Variants in NDUFAF2 observed in about 807,000 individuals in gnomAD.
The protein encoded by NDUFAF2 is NADH:ubiquinone oxidoreductase complex assembly factor 2, also known as NADH dehydrogenase [ubiquinone] 1 alpha subcomplex assembly factor 2.
NDUFAF2 carries 13 observed loss-of-function variants against 22.8 expected under a neutral mutation model. The ratio of observed to expected loss-of-function variants is 0.57; its 90% CI spans 0.37 to 0.91. The LOEUF is 0.91. Among genes scored for constraint, NDUFAF2 ranks in the 40% least tolerant of loss-of-function variants. NDUFAF2 has a pLI of 0.01. For synonymous variants in NDUFAF2, 53 were observed against 64.2 expected (o/e 0.83, Z 0.84); for missense variants, 162 against 195.2 (o/e 0.83, Z 1.01).
intron 1 of NDUFAF2, among the ~76,000 whole-genome samples, chr5:60,969,573 T>TA (rs1401883704): frequency 2.0e-5 from 3 of 152,076 alleles, no homozygotes; most frequent in Non-Finnish European, 4.4e-5. Context: ...GGTTTTTTTT[T>TA]ACCATAGAGT....
intron 1 of NDUFAF2, among the ~76,000 whole-genome samples, chr5:60,990,953 T>C (rs1458063908): frequency 6.6e-6 from 1 of 152,132 alleles, no homozygotes. Flanking sequence ...AGCCCAAAGC[T>C]CCTACGAACT....
chr5:61,006,570 A>G (rs1036364166), intron 1 of NDUFAF2, among the ~76,000 whole-genome samples: 3 of 152,160 alleles, frequency 2.0e-5, no homozygotes, highest in African/African-American at 4.8e-5. Context: ...CTTCCTACCC[A>G]TGAGCATGGA....
At chr5:61,007,852 C>T (rs1282140669) in intron 1 of NDUFAF2, among the ~76,000 whole-genome samples, 1 of 152,052 alleles carries the variant, frequency 6.6e-6, no homozygotes, top group Non-Finnish European at 1.5e-5. Flanking sequence ...CACATGCACA[C>T]GTATGTTTAT....
intron 1 of NDUFAF2, among the ~76,000 whole-genome samples, chr5:60,957,162 G>A (rs1034930987): frequency 1.8e-4 from 27 of 151,972 alleles, no homozygotes; most frequent in African/African-American, 6.3e-4. Flanking sequence ...TTTAATTATT[G>A]AATTAAAATA....
intron 1 of NDUFAF2, among the ~76,000 whole-genome samples, chr5:60,965,513 G>A (rs1438693665): frequency 3.3e-5 from 5 of 151,864 alleles, no homozygotes; most frequent in East Asian, 1.9e-4. Context: ...TTTGACCAGC[G>A]TCTCCCCATT....
chr5:61,065,829 T>C (rs1470774208), intron 1 of NDUFAF2, among the ~76,000 whole-genome samples: 2 of 151,958 alleles, frequency 1.3e-5, no homozygotes, highest in East Asian at 1.9e-4. Flanking sequence ...AGCGTAGTAC[T>C]AGAAGTACTA....
intron 3 of NDUFAF2, among the ~76,000 whole-genome samples, chr5:61,117,544 T>C (rs1752926137): frequency 6.6e-6 from 1 of 152,002 alleles, no homozygotes; most frequent in Admixed American, 6.6e-5. Context: ...TTTGTAGAGA[T>C]GGGGTTTCAC....
At chr5:61,054,745 C>T (rs1043707441) in intron 1 of NDUFAF2, among the ~76,000 whole-genome samples, 2 of 152,138 alleles carry the variant, frequency 1.3e-5, no homozygotes, top group African/African-American at 2.4e-5. Flanking sequence ...TCATAAAGAT[C>T]AGACAATTTC....
chr5:61,053,334 A>G (rs1044752904), intron 1 of NDUFAF2, among the ~76,000 whole-genome samples: 5 of 152,336 alleles, frequency 3.3e-5, no homozygotes, highest in South Asian at 2.1e-4. Flanking sequence ...ATTTTAGAAA[A>G]TATAACTGAA....
At chr5:61,089,971 G>T (rs1752547260) in intron 2 of NDUFAF2, among the ~76,000 whole-genome samples, 1 of 151,478 alleles carries the variant, frequency 6.6e-6, no homozygotes, top group Non-Finnish European at 1.5e-5. Flanking sequence ...CTCATCAGTA[G>T]GGCAGATTGT....
chr5:61,119,788 A>G (rs1472057202), intron 3 of NDUFAF2, among the ~76,000 whole-genome samples: 4 of 152,214 alleles, frequency 2.6e-5, no homozygotes, highest in Non-Finnish European at 2.9e-5. Flanking sequence ...AGGCTCTGCA[A>G]TGCACATCTG....
At chr5:61,081,069 G>GT (rs1007734520) in intron 2 of NDUFAF2, among the ~76,000 whole-genome samples, 14 of 151,914 alleles carry the variant, frequency 9.2e-5, no homozygotes, top group Admixed American at 2.0e-4. Flanking sequence ...TTCCAGCACC[G>GT]TTTTTTTAAA....
intron 3 of NDUFAF2, among the ~76,000 whole-genome samples, chr5:61,109,651 T>G (rs903634960): frequency 6.6e-6 from 1 of 152,146 alleles, no homozygotes; most frequent in Non-Finnish European, 1.5e-5. Flanking sequence ...TAGGAAATAA[T>G]TGGATTATGG....
intron 1 of NDUFAF2, among the ~76,000 whole-genome samples, chr5:60,970,536 T>C (rs1281906976): frequency 1.3e-5 from 2 of 152,202 alleles, no homozygotes; most frequent in African/African-American, 4.8e-5. Flanking sequence ...TACTGATTTT[T>C]GTATGTTGAT....
intron 1 of NDUFAF2, among the ~76,000 whole-genome samples, chr5:60,995,946 C>T (rs576136125): frequency 6.6e-6 from 1 of 152,190 alleles, no homozygotes; most frequent in Admixed American, 6.5e-5. Context: ...CAAGGAAGTA[C>T]TACAAGACTA....
intron 1 of NDUFAF2, among the ~76,000 whole-genome samples, chr5:61,066,140 A>C (rs1012542055): frequency 6.6e-6 from 1 of 152,084 alleles, no homozygotes; most frequent in South Asian, 2.1e-4. Flanking sequence ...CTAAGGAATA[A>C]ATTTAAGCAA....
At chr5:60,950,641 G>GT (rs1309492733) in intron 1 of NDUFAF2, among the ~76,000 whole-genome samples, 3,967 of 133,662 alleles carry the variant, frequency 0.03, 107 homozygotes, top group African/African-American at 0.074. Context: ...TGCTTGCTGG[G>GT]TTTTTTTTTT....
At chr5:61,011,527 T>C (rs1751442395) in intron 1 of NDUFAF2, among the ~76,000 whole-genome samples, 1 of 152,142 alleles carries the variant, frequency 6.6e-6, no homozygotes. Flanking sequence ...CAAATTGTAA[T>C]ATCTGTTGCT....
chr5:61,084,505 A>G (rs1752482283), intron 2 of NDUFAF2, among the ~76,000 whole-genome samples: 1 of 152,108 alleles, frequency 6.6e-6, no homozygotes, highest in African/African-American at 2.4e-5. Context: ...GGCAACCACC[A>G]TTCTACTTTT....
Sources: allele counts gnomAD v4.1 joint callset (sites outside exome capture counted in the v4.1 genomes callset), GRCh38; gene constraint gnomAD v4.1.1; transcripts MANE v1.5; gene names NCBI Gene and HGNC (gene_info 2026-07-23, HGNC 2026-07-21).